PCBP2: variants seen among roughly 807,000 people sequenced by gnomAD.
The protein encoded by PCBP2 is poly(rC) binding protein 2.
Under a neutral mutation model 50.1 loss-of-function variants are expected in PCBP2, and 4 were observed. The ratio of observed to expected loss-of-function variants is 0.08; its 90% CI spans 0.04 to 0.18. The LOEUF (loss-of-function observed/expected upper bound fraction) is 0.18, where lower values mean the gene tolerates loss of function less well. Among genes scored for constraint, PCBP2 ranks in the 10% least tolerant of loss-of-function variants. PCBP2 has a pLI of 1.00. For synonymous variants in PCBP2, 179 were observed against 168.0 expected (o/e 1.07, Z -0.51); for missense variants, 161 against 474.3 (o/e 0.34, Z 6.14).
At chr12:53,457,558 C>T (rs544232754) in intron 5 of PCBP2, among the ~76,000 whole-genome samples, 2 of 151,692 alleles carry the variant, frequency 1.3e-5, no homozygotes, top group Non-Finnish European at 1.5e-5. Flanking sequence ...GTTGCCTAGG[C>T]TCGTCTTGAA....
At chr12:53,470,236 G>C (rs531679753) in intron 13 of PCBP2, among the ~76,000 whole-genome samples, 6 of 151,852 alleles carry the variant, frequency 4.0e-5, no homozygotes, top group African/African-American at 1.4e-4. Context: ...AAATTAGCCA[G>C]GTGTGCTGGC....
At chr12:53,468,944 C>T (rs1458825405) in intron 13 of PCBP2, 112 bp downstream of exon 13, 7 of 781,128 alleles carry the variant, frequency 9.0e-6, no homozygotes, top group Non-Finnish European at 1.4e-5. Context: ...TTTAAACAGC[C>T]CAGGCTGTAG....
chr12:53,457,039 A>G (rs1029880618), intron 5 of PCBP2, among the ~76,000 whole-genome samples: 2 of 152,084 alleles, frequency 1.3e-5, no homozygotes, highest in Non-Finnish European at 2.9e-5. Context: ...TCTTTTTTAT[A>G]CATCATAGTA....
At chr12:53,467,900 TG>T in intron 12 of PCBP2, 57 bp downstream of exon 12, 1 of 1,291,840 alleles carries the variant, frequency 7.7e-7, no homozygotes, top group Non-Finnish European at 1.1e-6. Context: ...AATAAACTGG[TG>T]GGAGTCTTGT....
intron 6 of PCBP2, chr12:53,459,749 A>G: frequency 1.3e-5 from 4 of 305,322 alleles, no homozygotes; most frequent in South Asian, 1.1e-4. Flanking sequence ...CTATTTTTTA[A>G]TTTTTAACTT....
intron 13 of PCBP2, 74 bp from the exon 14 acceptor site, chr12:53,471,564 G>A (rs1389594409): frequency 1.4e-6 from 2 of 1,381,688 alleles, no homozygotes; most frequent in East Asian, 2.5e-5. Context: ...AGGATTTGGG[G>A]TGGGGGGGTG....
chr12:53,470,545 C>G (rs775100390), intron 13 of PCBP2, among the ~76,000 whole-genome samples: 1 of 151,820 alleles, frequency 6.6e-6, no homozygotes, highest in Non-Finnish European at 1.5e-5. Context: ...GCTGGGACCA[C>G]AGGTGCATGC....
At chr12:53,476,876 T>TA (rs1347482184) in intron 14 of PCBP2, among the ~76,000 whole-genome samples, 1 of 152,166 alleles carries the variant, frequency 6.6e-6, no homozygotes, top group Non-Finnish European at 1.5e-5. Context: ...AGTTAGGACT[T>TA]AATCATGCTG....
chr12:53,471,595 G>A lies in PCBP2; in HGVS notation c.883-43G>A, dbSNP rs367958702. On this transcript the variant is annotated intron_variant, in intron 13 of 14. Transcript: ENST00000546463. The stretch of plus-strand genomic sequence containing the variant: ...GGGTGGGATTCTTAGACCTAGCCAT[G>A]CAACTCTAATTCGGTGTGCCTTGTT... 2.0e-5 allele frequency: 31 copies of A among 1,554,948 alleles called. No homozygotes were observed. In the African/African-American group the frequency reaches 3.3e-4, roughly 16 times the overall value.
intron 1 of PCBP2, among the ~76,000 whole-genome samples, chr12:53,454,208 C>T (rs1035891505): frequency 1.3e-5 from 2 of 152,192 alleles, no homozygotes; most frequent in African/African-American, 4.8e-5. Flanking sequence ...TGGTGTTAGC[C>T]ATCAACGGTT....
intron 8 of PCBP2, 164 bp from the exon 9 acceptor site, chr12:53,464,596 T>A (rs958517324): frequency 4.2e-5 from 28 of 663,378 alleles, no homozygotes; most frequent in Middle Eastern, 4.9e-4. Context: ...ACTAGGTAAC[T>A]TTTTTTTTTA....
intron 14 of PCBP2, chr12:53,475,169 T>C (rs1467098774): frequency 4.4e-6 from 2 of 456,576 alleles, no homozygotes; most frequent in Non-Finnish European, 8.8e-6. Context: ...CCGTGCCATG[T>C]GTAACTAACA....
rs1252743208 is a variant in PCBP2 at position 53,459,151 on chromosome 12, G to A, written c.244-121G>A. 3 of 721,710 alleles carry A rather than the reference G, an allele frequency of 4.2e-6. No homozygotes were observed. In the African/African-American group the frequency reaches 5.3e-5, roughly 13 times the overall value. 44.7% of individuals were successfully genotyped at this position (721,710 alleles called of 1,614,324 possible). ...CATGGTATTTGAACCTTTTGTCTAT[G>A]GTGGATTATGACCTCGCATGTCCTA... On this transcript the variant is annotated intron_variant, in intron 5 of 14. Transcript: ENST00000546463.
In PCBP2 at chr12:53,461,006, A is replaced by G. The variant is rs557980143; in HGVS notation, c.376-9A>G. 2.5e-6 allele frequency: 4 copies of G among 1,612,456 alleles called. No individual in the cohort carries two copies. Among genetic ancestry groups the G allele is most frequent in the East Asian group, 4.5e-5 (2 of 44,862 alleles). On this transcript the variant is annotated splice_polypyrimidine_tract_variant and intron_variant, in intron 6 of 14. Transcript: ENST00000546463. Reference sequence around the variant, plus strand: ...TTTCTCTGATTTTGAATTTCTTTTTACTCCAAAGAGTACAGGGGCTCAGGT... The same window carrying G: ...TTTCTCTGATTTTGAATTTCTTTTTGCTCCAAAGAGTACAGGGGCTCAGGT...
In PCBP2 at chr12:53,454,808, C is replaced by T; in HGVS notation, c.8C>T (p.Thr3Ile). The change falls in exon 2 of 15, where the codon ACC becomes ATC. Residue 3 changes from threonine (T) to isoleucine (I), a missense_variant. By Grantham distance (89) the Thr-to-Ile change is moderately conservative. Transcript: ENST00000546463. MDTGVIEGGLNVT... is the reference protein window; with the variant it reads MDIGVIEGGLNVT... The stretch of plus-strand genomic sequence containing the variant: ...CCCAGAACACTGCTCGACATGGACA[C>T]CGGTGTGATTGAAGGTGGATTAAAT... 6.2e-7 allele frequency: 1 copy of T among 1,614,060 alleles called. No individual in the cohort carries two copies. The highest frequency in any genetic ancestry group is 1.1e-5 in the South Asian group (1 of 91,082).
At chr12:53,455,829 GTACA>G (rs1940968782) in intron 4 of PCBP2, 52 bp from the exon 5 acceptor site, 1 of 1,175,244 alleles carries the variant, frequency 8.5e-7, no homozygotes, top group Admixed American at 1.7e-5. Flanking sequence ...TGTAGATCCT[GTACA>G]TACTCAGATC....
At chr12:53,454,504 C>G (rs1322603717) in intron 1 of PCBP2, 7 of 340,788 alleles carry the variant, frequency 2.1e-5, no homozygotes, top group Non-Finnish European at 3.9e-5. Flanking sequence ...CAGCGGAAAC[C>G]CTGTCATTAA....
intron 14 of PCBP2, among the ~76,000 whole-genome samples, chr12:53,477,463 A>G (rs1942671334): frequency 6.6e-6 from 1 of 151,968 alleles, no homozygotes; most frequent in Non-Finnish European, 1.5e-5. Flanking sequence ...CAGGAGATCA[A>G]GACCATCCTG....
intron 13 of PCBP2, among the ~76,000 whole-genome samples, chr12:53,470,068 C>CTAAA (rs1942103463): frequency 6.6e-6 from 1 of 151,810 alleles, no homozygotes; most frequent in Non-Finnish European, 1.5e-5. Context: ...TTTGTAGAAG[C>CTAAA]TAAAGCCTTA....
Sources: allele counts gnomAD v4.1 joint callset (sites outside exome capture counted in the v4.1 genomes callset), GRCh38; gene constraint gnomAD v4.1.1; transcripts MANE v1.5; gene names NCBI Gene and HGNC (gene_info 2026-07-23, HGNC 2026-07-21).